Variants in CUL5 observed in about 807,000 individuals in gnomAD.
CUL5 encodes cullin 5, also known as cullin-5.
A neutral mutation model predicts 108.8 loss-of-function variants in CUL5; 26 were observed. The observed-to-expected ratio is 0.24, with a 90% CI of 0.18 to 0.33. The LOEUF is 0.33. CUL5 is among the 10% of genes least tolerant of loss of function. The probability of loss-of-function intolerance (pLI) is 1.00; values close to 1 mark genes in which losing one functional copy is unlikely to be tolerated. For missense variants in CUL5, 524 were observed against 909.2 expected (o/e 0.58, Z 5.45); for synonymous variants, 334 against 298.0 (o/e 1.12, Z -1.25).
intron 11 of CUL5, among the ~76,000 whole-genome samples, chr11:108,083,489 A>G (rs887299690): frequency 1.1e-4 from 17 of 152,228 alleles, no homozygotes; most frequent in African/African-American, 4.1e-4. Context: ...TTAGCTCCAC[A>G]TTAAAGTAGA....
At chr11:108,060,574 G>A (rs945417668) in intron 7 of CUL5, among the ~76,000 whole-genome samples, 2 of 152,030 alleles carry the variant, frequency 1.3e-5, no homozygotes, top group Non-Finnish European at 2.9e-5. Context: ...CGTGGCCCAC[G>A]CCTCTAATCC....
At chr11:108,021,487 T>C (rs922106865) in intron 1 of CUL5, among the ~76,000 whole-genome samples, 1 of 152,062 alleles carries the variant, frequency 6.6e-6, no homozygotes, top group Non-Finnish European at 1.5e-5. Flanking sequence ...TATTTTTAAA[T>C]TTTATTCATT....
At chr11:108,023,028 C>T (rs1862363852) in intron 1 of CUL5, among the ~76,000 whole-genome samples, 1 of 152,198 alleles carries the variant, frequency 6.6e-6, no homozygotes, top group African/African-American at 2.4e-5. Context: ...GCAGGTGGAT[C>T]ACCTGAGGTC....
chr11:108,058,858 C>T (rs1293378990), intron 7 of CUL5, among the ~76,000 whole-genome samples: 1 of 151,936 alleles, frequency 6.6e-6, no homozygotes, highest in Non-Finnish European at 1.5e-5. Context: ...ACTCGCTGGG[C>T]CTATAGCAGA....
chr11:108,080,844 C>T (rs1864060919), intron 11 of CUL5, among the ~76,000 whole-genome samples: 1 of 152,130 alleles, frequency 6.6e-6, no homozygotes, highest in South Asian at 2.1e-4. Flanking sequence ...TGATACTATC[C>T]TTTGATGCAC....
intron 18 of CUL5, among the ~76,000 whole-genome samples, chr11:108,100,757 G>A (rs1352489960): frequency 1.3e-5 from 2 of 152,118 alleles, no homozygotes; most frequent in African/African-American, 2.4e-5. Flanking sequence ...GTGGCCAGGC[G>A]CGGTGGCTCA....
intron 13 of CUL5, among the ~76,000 whole-genome samples, chr11:108,093,981 A>G (rs140454552): frequency 5.9e-4 from 90 of 152,360 alleles, no homozygotes; most frequent in African/African-American, 1.4e-3. Flanking sequence ...AGGATTACAC[A>G]CCATGCCAAC....
At chr11:108,036,848 T>G (rs1214386736) in intron 2 of CUL5, among the ~76,000 whole-genome samples, 1 of 152,172 alleles carries the variant, frequency 6.6e-6, no homozygotes, top group Non-Finnish European at 1.5e-5. Flanking sequence ...AGTAACACAT[T>G]ACAGCTGCTG....
intron 7 of CUL5, among the ~76,000 whole-genome samples, chr11:108,060,696 G>A (rs2135154434): frequency 6.6e-6 from 1 of 152,106 alleles, no homozygotes; most frequent in East Asian, 1.9e-4. Context: ...AATTACCCGG[G>A]CATGGTGGTG....
intron 8 of CUL5, among the ~76,000 whole-genome samples, chr11:108,070,927 A>G (rs1863804666): frequency 6.6e-6 from 1 of 152,218 alleles, no homozygotes; most frequent in Admixed American, 6.5e-5. Flanking sequence ...TGGCGTAAAC[A>G]AAATACTTGT....
chr11:108,073,062 C>T (rs562543416), intron 9 of CUL5, among the ~76,000 whole-genome samples: 13 of 151,816 alleles, frequency 8.6e-5, no homozygotes, highest in East Asian at 1.9e-4. Flanking sequence ...AATAGCCAGG[C>T]GGGGTGGCGG....
At chr11:108,100,340 C>G (rs895179434) in intron 18 of CUL5, among the ~76,000 whole-genome samples, 2 of 151,458 alleles carry the variant, frequency 1.3e-5, no homozygotes, top group Non-Finnish European at 2.9e-5. Context: ...GTCAGGAGTT[C>G]AAGACCAGCC....
chr11:108,036,067 G>T (rs577450969), intron 2 of CUL5, among the ~76,000 whole-genome samples: 2 of 152,278 alleles, frequency 1.3e-5, no homozygotes, highest in East Asian at 3.9e-4. Flanking sequence ...TGCACATCAG[G>T]CTGGAAAATC....
chr11:108,088,835 T>G (rs1447896702), intron 12 of CUL5, among the ~76,000 whole-genome samples, 176 bp downstream of exon 12: 1 of 152,158 alleles, frequency 6.6e-6, no homozygotes, highest in Non-Finnish European at 1.5e-5. Context: ...TCTGAAAATT[T>G]TTATTCTACA....
At chr11:108,033,335 C>T (rs1426899024) in intron 1 of CUL5, among the ~76,000 whole-genome samples, 13 of 152,168 alleles carry the variant, frequency 8.5e-5, no homozygotes, top group Non-Finnish European at 1.5e-4. Flanking sequence ...ATTTCAGTCT[C>T]CGTGTTGAGT....
chr11:108,092,163 C>T (rs1443791968), intron 13 of CUL5, among the ~76,000 whole-genome samples: 1 of 152,070 alleles, frequency 6.6e-6, no homozygotes, highest in East Asian at 1.9e-4. Flanking sequence ...CAAAGAGATA[C>T]TACTTTATTC....
At position 108,041,304 on chromosome 11, in the gene CUL5, C is replaced by T. The variant is rs149407606; in HGVS notation, c.135-4966C>T. Among the ~76,000 whole-genome samples the T allele has an allele frequency of 2.3e-3, 345 of 147,386 alleles. 4 individuals are homozygous for T. Among genetic ancestry groups the T allele is most frequent in the African/African-American group, 7.6e-3 (301 of 39,720 alleles). On this transcript the variant is annotated intron_variant, in intron 2 of 18. Coordinates refer to ENST00000393094, the MANE Select transcript of CUL5 (RefSeq NM_003478.6). ...TTTTTTCTTTTTTTTTTTTTTGAGA[C>T]GGAGTCTCTGTTGCCCAGGCTGGAG...
intron 4 of CUL5, among the ~76,000 whole-genome samples, 194 bp from the exon 5 acceptor site, chr11:108,052,466 T>C (rs1591300297): frequency 6.6e-6 from 1 of 152,158 alleles, no homozygotes; most frequent in East Asian, 1.9e-4. Flanking sequence ...TTTGCCCTGC[T>C]GCCCAGGCTG....
At chr11:108,077,642 AAG>A (rs1555021458) in intron 10 of CUL5, among the ~76,000 whole-genome samples, 5 of 151,330 alleles carry the variant, frequency 3.3e-5, no homozygotes, top group African/African-American at 9.7e-5. Flanking sequence ...AAAAAAAAAA[AAG>A]AAAAAAAATC....
Sources: allele counts gnomAD v4.1 joint callset (sites outside exome capture counted in the v4.1 genomes callset), GRCh38; gene constraint gnomAD v4.1.1; transcripts MANE v1.5; gene names NCBI Gene and HGNC (gene_info 2026-07-23, HGNC 2026-07-21).